The following IL37 variants were observed in gnomAD, a reference collection of about 807,000 sequenced individuals.
IL37 encodes the protein interleukin 37.
In IL37, 15 loss-of-function variants were observed where a neutral mutation model predicts 15.4. The observed-to-expected ratio is 0.98, with a 90% CI of 0.65 to 1.50. The LOEUF is 1.50. Among genes scored for constraint, IL37 ranks in the 40% most tolerant of loss-of-function variants. IL37 has a pLI of 0.00. For synonymous variants in IL37, 98 were observed against 97.4 expected (o/e 1.01, Z -0.03); for missense variants, 269 against 261.7 (o/e 1.03, Z -0.19).
intron 5 of IL37, 133 bp from the exon 6 acceptor site, chr2:112,918,428 A>G (rs1198205699): frequency 2.0e-6 from 2 of 1,019,986 alleles, no homozygotes; most frequent in African/African-American, 3.2e-5. Flanking sequence ...CTGACACGTC[A>G]TCTTTCCCAA....
chr2:112,918,145 G>A (rs28947198), intron 5 of IL37, among the ~76,000 whole-genome samples: 127 of 152,304 alleles, frequency 8.3e-4, no homozygotes, highest in African/African-American at 2.9e-3. Flanking sequence ...GAGGGTGTGA[G>A]GGAGCACTCG....
chr2:112,918,685 G>A lies in IL37; in HGVS notation c.533G>A (p.Cys178Tyr). 3 of 1,614,118 alleles carry A rather than the reference G, an allele frequency of 1.9e-6. No homozygotes were observed. Among genetic ancestry groups the A allele is most frequent in the Non-Finnish European group, 1.7e-6 (2 of 1,180,012 alleles). Residue 178 changes from cysteine to tyrosine, a missense_variant, in exon 6 of 6, where the codon TGC (cysteine) becomes TAC (tyrosine). Cys to Tyr is a radical substitution (Grantham distance 194). Transcript: ENST00000263326. ...ESAAHPGWFICTSCNCNEPVG... is the reference protein window; with the variant it reads ...ESAAHPGWFIYTSCNCNEPVG... ...GCGGCTCACCCCGGATGGTTCATCT[G>A]CACCTCCTGCAATTGTAATGAGCCT...
chr2:112,916,151 C>T (rs1439825287), intron 3 of IL37, among the ~76,000 whole-genome samples: 1 of 152,210 alleles, frequency 6.6e-6, no homozygotes, highest in East Asian at 1.9e-4. Context: ...TTATTCTCTA[C>T]ATTAGAATTG....
chr2:112,913,992 T>C, intron 3 of IL37, 138 bp downstream of exon 3: 1 of 686,848 alleles, frequency 1.5e-6, no homozygotes, highest in Non-Finnish European at 2.5e-6. Flanking sequence ...GCTGAAGTCT[T>C]TCCTTTGTGG....
Position 112,912,992 on chromosome 2 carries a change from G to C in IL37, c.-21G>C. On this transcript the variant is annotated 5_prime_UTR_variant, in exon 2 of 6. Transcript: ENST00000263326. ...TGGACTTCATTCCATTTTCTGTTGA[G>C]TAATAAACTCAACGTTGAAAATGTC... 6.4e-7 allele frequency: 1 copy of C among 1,556,110 alleles called. No individual in the cohort carries two copies. Among genetic ancestry groups the C allele is most frequent in the Non-Finnish European group, 8.7e-7 (1 of 1,149,466 alleles).
At chr2:112,914,077 G>A (rs1279336653) in intron 3 of IL37, among the ~76,000 whole-genome samples, 2 of 152,162 alleles carry the variant, frequency 1.3e-5, no homozygotes, top group Admixed American at 1.3e-4. Context: ...CCTGCTAAGA[G>A]GCACAGGGCA....
At chr2:112,916,409 G>A (rs984942592) in intron 3 of IL37, among the ~76,000 whole-genome samples, 7 of 152,174 alleles carry the variant, frequency 4.6e-5, no homozygotes, top group African/African-American at 1.4e-4. Flanking sequence ...GCCCAAATGA[G>A]TTGCTAGGAG....
At position 112,917,211 on chromosome 2, in the gene IL37, TC is replaced by T; in HGVS notation, c.229del (p.Leu77SerfsTer2). 6.2e-7 allele frequency: 1 copy of T among 1,614,118 alleles called. No individual in the cohort carries two copies. Among genetic ancestry groups the T allele is most frequent in the South Asian group, 1.1e-5 (1 of 91,066 alleles). ...AAGTACTGGTCCTGGACTCTGGGAA[TC>T]TCATAGCAGTTCCAGATAAAAACTA... is the stretch of plus-strand genomic sequence containing the variant. ...HKVLVLDSGNLIAVPDKNYIR... is the reference protein window; with the variant it reads ...HKVLVLDSGNXIAVPDKNYIR... On this transcript the variant is annotated frameshift_variant, in exon 4 of 6. Coordinates refer to ENST00000263326, the MANE Select transcript of IL37 (RefSeq NM_014439.4). LOFTEE classifies it high-confidence loss of function.
chr2:112,913,665 A>T lies in IL37; in HGVS notation c.83-127A>T, dbSNP rs1035491210. On this transcript the variant is annotated intron_variant, in intron 2 of 5. Coordinates refer to ENST00000263326, the MANE Select transcript of IL37 (RefSeq NM_014439.4). ...AAGAGGGAAGCTATGATTTAATGTC[A>T]TTACTATCATGCTGCTCTAGTATTT... 3 of 735,982 alleles carry T rather than the reference A, an allele frequency of 4.1e-6. No homozygotes were observed. The African/African-American group carries it at 5.2e-5, about 13-fold the overall frequency. 45.6% of individuals were successfully genotyped at this position (735,982 alleles called of 1,614,324 possible). A position where few individuals can be genotyped will look rare whatever the true frequency, so the allele number is the denominator to read the frequency against.
At position 112,913,848 on chromosome 2, in the gene IL37, C is replaced by G. The variant is rs776804653; in HGVS notation, c.139C>G (p.His47Asp). Residue 47 changes from histidine (H) to aspartate (D), a missense_variant, in exon 3 of 6, where the codon CAC (histidine) becomes GAC (aspartate). His to Asp is a moderately conservative substitution (Grantham distance 81). Transcript: ENST00000263326. ...AAGCCTCCCCACCATGAATTTTGTTCACACAAGTAAGGCCTCGGGGTGAGG... is the reference window on the plus strand; with the variant it reads ...AAGCCTCCCCACCATGAATTTTGTTGACACAAGTAAGGCCTCGGGGTGAGG... ...GPSLPTMNFVHTSPKVKNLNP... is the reference protein window; with the variant it reads ...GPSLPTMNFVDTSPKVKNLNP... 1 of 1,613,310 alleles carries G rather than the reference C, an allele frequency of 6.2e-7. No individual in the cohort carries two copies. The highest frequency in any genetic ancestry group is 1.7e-5 in the Admixed American group (1 of 59,980).
At chr2:112,914,945 C>T (rs28947194) in intron 3 of IL37, among the ~76,000 whole-genome samples, 5 of 152,290 alleles carry the variant, frequency 3.3e-5, no homozygotes, top group East Asian at 1.9e-4. Context: ...TCCAGGTTAT[C>T]GTGACGCACC....
At chr2:112,915,391 A>G (rs2723179) in intron 3 of IL37, 53,530 of 708,828 alleles carry the variant, frequency 0.076, 2,661 homozygotes, top group African/African-American at 0.17. Flanking sequence ...AATGCCACCC[A>G]CCAGGTGATT....
At chr2:112,915,701 T>TGATA (rs763732061) in intron 3 of IL37, among the ~76,000 whole-genome samples, 4 of 152,220 alleles carry the variant, frequency 2.6e-5, no homozygotes, top group Admixed American at 6.5e-5. Flanking sequence ...AAGGCAGGGC[T>TGATA]GATAACCATG....
chr2:112,913,958 G>A (rs1573311733), intron 3 of IL37, 104 bp downstream of exon 3: 3 of 887,098 alleles, frequency 3.4e-6, no homozygotes, highest in Admixed American at 2.0e-5. Flanking sequence ...TGTAGAATGG[G>A]GACACCTAAG....
At chr2:112,913,496 G>C (rs921994130) in intron 2 of IL37, among the ~76,000 whole-genome samples, 1 of 152,146 alleles carries the variant, frequency 6.6e-6, no homozygotes, top group Non-Finnish European at 1.5e-5. Flanking sequence ...TATTCCATGA[G>C]GAACACATTT....
intron 3 of IL37, among the ~76,000 whole-genome samples, chr2:112,914,081 C>A (rs546665412): frequency 9.9e-4 from 150 of 152,140 alleles, no homozygotes; most frequent in Non-Finnish European, 2.0e-3. Flanking sequence ...CTAAGAGGCA[C>A]AGGGCAAGGA....
intron 3 of IL37, 116 bp downstream of exon 3, chr2:112,913,970 G>T: frequency 5.0e-6 from 4 of 799,396 alleles, no homozygotes; most frequent in Non-Finnish European, 8.4e-6. Flanking sequence ...ACACCTAAGG[G>T]TGCTGGATGG....
At position 112,913,823 on chromosome 2, in the gene IL37, A is replaced by T; in HGVS notation, c.114A>T (p.Pro38=). The change falls in exon 3 of 6, where the codon CCA becomes CCT. Residue 38 remains proline (P), a synonymous_variant. Coordinates refer to ENST00000263326, the MANE Select transcript of IL37 (RefSeq NM_014439.4). ...CTGGAAGCCCCCTGGAACCAGGCCC[A>T]AGCCTCCCCACCATGAATTTTGTTC... ...DPAGSPLEPG[P]SLPTMNFVHT... is the part of the protein sequence containing the mutation. 1 of 1,613,652 alleles carries T rather than the reference A, an allele frequency of 6.2e-7. No homozygotes were observed. Among genetic ancestry groups the T allele is most frequent in the East Asian group, 2.2e-5 (1 of 44,872 alleles).
intron 1 of IL37, among the ~76,000 whole-genome samples, chr2:112,912,011 T>A (rs981169537): frequency 2.4e-4 from 36 of 152,334 alleles, no homozygotes; most frequent in African/African-American, 7.7e-4. Context: ...ACCGTCCTTA[T>A]TGTTGAGTCC....
Sources: gnomAD v4.1 joint callset for allele counts (sites outside exome capture counted in the v4.1 genomes callset) on GRCh38, gnomAD v4.1.1 for gene constraint, MANE v1.5 for transcripts, NCBI Gene and HGNC (gene_info 2026-07-23, HGNC 2026-07-21) for gene names.